The following LRP1B variants were observed in gnomAD, a reference collection of about 807,000 sequenced individuals.
The protein encoded by LRP1B is low-density lipoprotein receptor-related protein 1B.
LRP1B carries 217 observed loss-of-function variants against 556.6 expected under a neutral mutation model. That is an observed-to-expected ratio of 0.39 (90% confidence interval 0.35 to 0.44). The LOEUF is 0.44. Ranked by LOEUF, LRP1B falls within the 20% of genes least tolerant of loss-of-function variation. The pLI is 1.00. For synonymous variants in LRP1B, 2,047 were observed against 1,865.8 expected, an observed-to-expected ratio of 1.10 and a Z score of -2.50; for missense variants, 5,053 against 5,620.8, an observed-to-expected ratio of 0.90 and a Z score of 3.23.
At chr2:141,083,835 C>T (rs1363049251) in intron 7 of LRP1B, among the ~76,000 whole-genome samples, 2 of 152,124 alleles carry the variant, frequency 1.3e-5, no homozygotes, top group African/African-American at 4.8e-5. Flanking sequence ...CCAGATTCAC[C>T]CCCCGACCTT....
intron 7 of LRP1B, among the ~76,000 whole-genome samples, chr2:141,138,120 T>C (rs1574113602): frequency 6.6e-6 from 1 of 151,936 alleles, no homozygotes; most frequent in East Asian, 1.9e-4. Flanking sequence ...ATTCCAATCA[T>C]GCAGGGTTGT....
rs1395331049 is a variant in LRP1B, at chr2:140,894,841, G to A, written c.3766+8079C>T. 2.0e-5 allele frequency among the ~76,000 whole-genome samples: 3 copies of A among 151,928 alleles called. No homozygotes were observed. In the East Asian group the frequency reaches 5.8e-4, roughly 29 times the overall value. ...CGCCTGCCTGTAAGCTACTCAGGAG[G>A]CTGAAGGACGAGAATCACTTGAACC... On this transcript the variant is annotated intron_variant, in intron 23 of 90. Coordinates refer to ENST00000389484, the MANE Select transcript of LRP1B (RefSeq NM_018557.3).
chr2:141,408,921 T>C (rs2104939256), intron 3 of LRP1B, among the ~76,000 whole-genome samples: 1 of 152,320 alleles, frequency 6.6e-6, no homozygotes, highest in Non-Finnish European at 1.5e-5. Flanking sequence ...ACATTGACTT[T>C]CTCTTCTTCC....
At chr2:140,821,031 A>G (rs950368589) in intron 31 of LRP1B, among the ~76,000 whole-genome samples, 2 of 151,724 alleles carry the variant, frequency 1.3e-5, no homozygotes, top group Admixed American at 1.3e-4. Flanking sequence ...GTTTATTTTC[A>G]GTGTCTACTT....
chr2:141,617,122 T>C lies in LRP1B; in HGVS notation c.206-136589A>G, dbSNP rs541684786. Among the ~76,000 whole-genome samples, 4 of 152,348 alleles carry C rather than the reference T, an allele frequency of 2.6e-5. No individual in the cohort carries two copies. The South Asian group carries it at 8.3e-4, about 32-fold the overall frequency. On this transcript the variant is annotated intron_variant, in intron 2 of 90. Coordinates refer to ENST00000389484, the MANE Select transcript of LRP1B (RefSeq NM_018557.3). ...TATATCTCTATAAAATAGCTTACTGTATTTTGATTACATTCGGGTGTCTGC... is the reference window on the plus strand; with the variant it reads ...TATATCTCTATAAAATAGCTTACTGCATTTTGATTACATTCGGGTGTCTGC...
At chr2:141,158,026 T>G (rs994206190) in intron 7 of LRP1B, among the ~76,000 whole-genome samples, 2 of 152,170 alleles carry the variant, frequency 1.3e-5, no homozygotes, top group Non-Finnish European at 2.9e-5. Flanking sequence ...AAAAGGTTTT[T>G]TAATGTGTTT....
chr2:140,678,810 C>G (rs1023466582), intron 41 of LRP1B, among the ~76,000 whole-genome samples: 1 of 145,518 alleles, frequency 6.9e-6, no homozygotes, highest in African/African-American at 2.5e-5. Flanking sequence ...TGGAGTCTCT[C>G]TCTGTCGCCC....
rs878943012 is a variant in LRP1B, at chr2:140,502,900, A to G, written c.8662+63T>C. ...CTCATTGAATACTATACTAGACAGA[A>G]AATCACAATTTTTCCATTGAAAACA... is the stretch of plus-strand genomic sequence containing the variant. On this transcript the variant is annotated intron_variant, in intron 54 of 90. Coordinates refer to ENST00000389484, the MANE Select transcript of LRP1B (RefSeq NM_018557.3). 16 of 1,560,266 alleles carry G rather than the reference A, an allele frequency of 1.0e-5. 1 individual carries two copies. In the South Asian group the frequency reaches 1.7e-4, roughly 17 times the overall value.
intron 2 of LRP1B, among the ~76,000 whole-genome samples, chr2:141,525,714 GA>G (rs1360536149): frequency 6.6e-6 from 1 of 151,842 alleles, no homozygotes; most frequent in Non-Finnish European, 1.5e-5. Flanking sequence ...GGTCATAGGA[GA>G]AAATACATAC....
intron 1 of LRP1B, among the ~76,000 whole-genome samples, chr2:141,868,254 A>G (rs967601431): frequency 5.9e-5 from 9 of 152,262 alleles, no homozygotes; most frequent in South Asian, 2.1e-4. Flanking sequence ...GTTCCAGTAC[A>G]TACCACAGAG....
At chr2:140,258,035 G>A (rs1413873516) in intron 86 of LRP1B, among the ~76,000 whole-genome samples, 2 of 152,074 alleles carry the variant, frequency 1.3e-5, no homozygotes, top group Non-Finnish European at 2.9e-5. Context: ...TCACAATGTA[G>A]AGGAATAATT....
At chr2:141,429,004 C>G (rs1406482210) in intron 3 of LRP1B, among the ~76,000 whole-genome samples, 1 of 152,142 alleles carries the variant, frequency 6.6e-6, no homozygotes, top group Non-Finnish European at 1.5e-5. Flanking sequence ...CTCGGCAGGT[C>G]CCACTGATGC....
chr2:141,759,598 A>G (rs1000932701), intron 2 of LRP1B, among the ~76,000 whole-genome samples: 1 of 152,228 alleles, frequency 6.6e-6, no homozygotes, highest in Non-Finnish European at 1.5e-5. Context: ...CTAACATGTT[A>G]TACGCTAAAT....
At chr2:140,441,204 G>A (rs1449041208) in intron 66 of LRP1B, among the ~76,000 whole-genome samples, 4 of 152,142 alleles carry the variant, frequency 2.6e-5, no homozygotes, top group Admixed American at 2.6e-4. Flanking sequence ...TGAGGAAAAG[G>A]AAGGAGAGGA....
intron 3 of LRP1B, among the ~76,000 whole-genome samples, chr2:141,391,354 C>T (rs910209454): frequency 2.6e-5 from 4 of 152,112 alleles, no homozygotes; most frequent in South Asian, 2.1e-4. Context: ...TAATACGTAA[C>T]CGGAGATTTA....
At chr2:141,953,210 A>G (rs190716262) in intron 1 of LRP1B, among the ~76,000 whole-genome samples, 29 of 152,212 alleles carry the variant, frequency 1.9e-4, no homozygotes, top group Admixed American at 1.9e-3. Flanking sequence ...GTAATATTGT[A>G]GAAAGAAATA....
chr2:141,310,468 T>C (rs1686771063), intron 3 of LRP1B, among the ~76,000 whole-genome samples: 1 of 151,986 alleles, frequency 6.6e-6, no homozygotes, highest in Admixed American at 6.6e-5. Flanking sequence ...TAGCACAGAG[T>C]GATATATACC....
At chr2:141,305,770 C>T (rs1686565336) in intron 3 of LRP1B, among the ~76,000 whole-genome samples, 1 of 152,134 alleles carries the variant, frequency 6.6e-6, no homozygotes, top group Non-Finnish European at 1.5e-5. Context: ...TCCTTCTATG[C>T]CTAGCTTGTT....
rs951429932 is a variant in LRP1B at position 141,188,101 on chromosome 2, A to G, written c.1013+320T>C. Reference sequence around the variant, plus strand: ...GAAAAAGTCCACTGTTAAGCATTAAAAAGTTTCCTCTCTTTAACCTAAAAA... The same window carrying G: ...GAAAAAGTCCACTGTTAAGCATTAAGAAGTTTCCTCTCTTTAACCTAAAAA... On this transcript the variant is annotated intron_variant, in intron 7 of 90. Coordinates refer to ENST00000389484, the MANE Select transcript of LRP1B (RefSeq NM_018557.3). 2.0e-5 allele frequency among the ~76,000 whole-genome samples: 3 copies of G among 152,028 alleles called. No individual in the cohort carries two copies. The East Asian group carries it at 5.8e-4, about 29-fold the overall frequency.
Sources: gnomAD v4.1 joint callset for allele counts (sites outside exome capture counted in the v4.1 genomes callset) on GRCh38, gnomAD v4.1.1 for gene constraint, MANE v1.5 for transcripts, NCBI Gene and HGNC (gene_info 2026-07-23, HGNC 2026-07-21) for gene names.